The following KCNH2 variants were observed in gnomAD, a reference collection of about 807,000 sequenced individuals.
KCNH2 encodes potassium voltage-gated channel subfamily H member 2, also known as voltage-gated inwardly rectifying potassium channel KCNH2.
Under a neutral mutation model 95.9 loss-of-function variants are expected in KCNH2, and 35 were observed. The observed-to-expected ratio is 0.37, with a 90% confidence interval of 0.28 to 0.48. KCNH2 has a LOEUF of 0.48. KCNH2 is among the 20% of genes least tolerant of loss of function. The pLI, the probability that KCNH2 is intolerant of heterozygous loss-of-function variation, is 0.99. For synonymous variants in KCNH2, 786 were observed against 754.7 expected (o/e 1.04, Z -0.68); for missense variants, 1,274 against 1,702.9 (o/e 0.75, Z 4.43).
At chr7:150,974,622 C>T (rs1253558413) in intron 2 of KCNH2, 89 bp downstream of exon 2, 2 of 870,974 alleles carry the variant, frequency 2.3e-6, no homozygotes, top group Admixed American at 2.3e-5. Flanking sequence ...CCCCCACACC[C>T]CCACACCCCC....
chr7:150,969,702 C>A (rs1801791363), intron 2 of KCNH2, among the ~76,000 whole-genome samples: 1 of 152,214 alleles, frequency 6.6e-6, no homozygotes, highest in Non-Finnish European at 1.5e-5. Flanking sequence ...GAGAACAAAG[C>A]AGATGGGCTG....
rs1263216122 is a variant in KCNH2 at position 150,948,551 on chromosome 7, CA to C, written c.2593-9del. On this transcript the variant is annotated splice_polypyrimidine_tract_variant and intron_variant, in intron 10 of 14. Transcript: ENST00000262186. ...GCCCGGGATCATGTTGGTCTGGAACCAAAATCAGTATCAGGGCCCTTTCAGT... is the reference window on the plus strand; with the variant it reads ...GCCCGGGATCATGTTGGTCTGGAACCAAATCAGTATCAGGGCCCTTTCAGT... The C allele has an allele frequency of 5.6e-6, 9 of 1,612,018 alleles. No homozygotes were observed. The highest frequency in any genetic ancestry group is 6.8e-6 in the Non-Finnish European group (8 of 1,178,700).
chr7:150,960,041 C>G (rs1442704839), intron 2 of KCNH2, among the ~76,000 whole-genome samples: 1 of 152,210 alleles, frequency 6.6e-6, no homozygotes, highest in Non-Finnish European at 1.5e-5. Context: ...ATCCTTTCTT[C>G]TGCCATCTTT....
In KCNH2 at chr7:150,958,600, G is replaced by A. The variant is rs1584866688; in HGVS notation, c.473-98C>T. ...ACCCCCAGCCGCTGGGTAAGGGAAGGAGGGGAACGGGCAACCCCCCATCCC... is the reference window on the plus strand; with the variant it reads ...ACCCCCAGCCGCTGGGTAAGGGAAGAAGGGGAACGGGCAACCCCCCATCCC... On this transcript the variant is annotated intron_variant, in intron 3 of 14. Coordinates refer to ENST00000262186, the MANE Select transcript of KCNH2 (RefSeq NM_000238.4). The A allele has an allele frequency of 2.5e-5, 25 of 1,001,026 alleles. No individual in the cohort carries two copies. The East Asian group carries it at 7.8e-4, about 31-fold the overall frequency. The allele number at this position is 1,001,026 out of a possible 1,614,324, so 62.0% of individuals were successfully genotyped here.
intron 5 of KCNH2, among the ~76,000 whole-genome samples, chr7:150,954,439 G>A (rs1213903421): frequency 6.6e-6 from 1 of 152,212 alleles, no homozygotes; most frequent in Non-Finnish European, 1.5e-5. Flanking sequence ...CACACAGCAT[G>A]AGCAACACTG....
chr7:150,958,426 G>C lies in KCNH2; in HGVS notation c.549C>G (p.Gly183=). 1.4e-6 allele frequency: 2 copies of C among 1,449,236 alleles called. No homozygotes were observed. The highest frequency in any genetic ancestry group is 1.8e-6 in the Non-Finnish European group (2 of 1,109,336). The allele number at this position is 1,449,236 out of a possible 1,614,324, so 89.8% of individuals were successfully genotyped here. A position where few individuals can be genotyped will look rare whatever the true frequency, so the allele number is the denominator to read the frequency against. ...CCGGGGCGCCCGCGCCGCCCGCGCC[G>C]CCCGACCGCACCGACGACTCCCGGG... The part of the protein sequence containing the change: ...LTARESSVRS[G]GAGGAGAPGA... The change falls in exon 4 of 15, where the codon GGC becomes GGG. Residue 183 remains glycine (G), a synonymous_variant. Coordinates refer to ENST00000262186, the MANE Select transcript of KCNH2 (RefSeq NM_000238.4).
In KCNH2 at chr7:150,977,989, C is replaced by G. The variant is rs1802021695; in HGVS notation, c.-76G>C. On this transcript the variant is annotated 5_prime_UTR_variant, in exon 1 of 15. Coordinates refer to ENST00000262186, the MANE Select transcript of KCNH2 (RefSeq NM_000238.4). ...CGGCCCAGCACTAGGCTTCGGGTGG[C>G]CCGGCCGGGCCGTGGTCCCCGCACC... The G allele has an allele frequency of 2.7e-6, 2 of 748,646 alleles. No individual in the cohort carries two copies. The highest frequency in any genetic ancestry group is 1.8e-6 in the Non-Finnish European group (1 of 545,750). 46.4% of individuals were successfully genotyped at this position (748,646 alleles called of 1,614,324 possible).
chr7:150,970,681 C>T (rs948878359), intron 2 of KCNH2, among the ~76,000 whole-genome samples: 9 of 152,178 alleles, frequency 5.9e-5, no homozygotes, highest in South Asian at 2.1e-4. Flanking sequence ...CCCCCATGGA[C>T]CCCCGCCCGC....
At chr7:150,954,268 T>C (rs1441563473) in intron 5 of KCNH2, among the ~76,000 whole-genome samples, 1 of 146,592 alleles carries the variant, frequency 6.8e-6, no homozygotes, top group Non-Finnish European at 1.5e-5. Flanking sequence ...AAGTGGGGAC[T>C]GAAAAAAAAA....
Position 150,977,942 on chromosome 7 carries a change from C to T in KCNH2, c.-29G>A. On this transcript the variant is annotated 5_prime_UTR_variant, in exon 1 of 15. Transcript: ENST00000262186. Reference sequence around the variant, plus strand: ...GAGCCCATGGGCGGGCCGGGCGGGCCCCCACCCACCCCGGCCCGGCCCGGC... The same window carrying T: ...GAGCCCATGGGCGGGCCGGGCGGGCTCCCACCCACCCCGGCCCGGCCCGGC... The T allele has an allele frequency of 6.6e-7, 1 of 1,511,022 alleles. No individual in the cohort carries two copies. The highest frequency in any genetic ancestry group is 9.0e-7 in the Non-Finnish European group (1 of 1,116,650). 93.6% of individuals were successfully genotyped at this position (1,511,022 alleles called of 1,614,324 possible).
chr7:150,948,119 G>C (rs943893674), intron 11 of KCNH2, among the ~76,000 whole-genome samples: 4 of 152,232 alleles, frequency 2.6e-5, no homozygotes, highest in African/African-American at 9.6e-5. Context: ...TGGGACTGCG[G>C]GGCCTCAGCC....
chr7:150,970,092 A>C (rs1174265133), intron 2 of KCNH2, among the ~76,000 whole-genome samples: 5 of 152,112 alleles, frequency 3.3e-5, no homozygotes, highest in Non-Finnish European at 5.9e-5. Context: ...GGGCAATGAG[A>C]GAGAACGTGT....
chr7:150,947,924 G>A (rs1563148415), intron 11 of KCNH2, 46 bp from the exon 12 acceptor site: 2 of 1,519,764 alleles, frequency 1.3e-6, no homozygotes, highest in Admixed American at 2.0e-5. Context: ...GGAGAACAGA[G>A]AGGAGGGGGC....
At position 150,964,729 on chromosome 7, in the gene KCNH2, C is replaced by A. The variant is rs138732404; in HGVS notation, c.308-4993G>T. Among the ~76,000 whole-genome samples, 670 of 152,342 alleles carry A rather than the reference C, an allele frequency of 4.4e-3. 2 individuals carry two copies. Among genetic ancestry groups the A allele is most frequent in the Middle Eastern group, 0.014 (4 of 294 alleles). On this transcript the variant is annotated intron_variant, in intron 2 of 14. Transcript: ENST00000262186. ...TCGCTCGGAGCAGGAGGAGCTGTGC[C>A]CAGGACAGGCCCAAAGTCACGCTGA...
At chr7:150,964,530 C>A (rs1217955800) in intron 2 of KCNH2, among the ~76,000 whole-genome samples, 1 of 152,254 alleles carries the variant, frequency 6.6e-6, no homozygotes, top group Non-Finnish European at 1.5e-5. Context: ...CCTCCCTGGG[C>A]TTCAGGCTCC....
At position 150,950,220 on chromosome 7, in the gene KCNH2, G is replaced by T; in HGVS notation, c.2346C>A (p.Ile782=). The change falls in exon 9 of 15, where the codon ATC becomes ATA. Residue 782 remains isoleucine, a synonymous_variant. Coordinates refer to ENST00000262186, the MANE Select transcript of KCNH2 (RefSeq NM_000238.4). ...GCAGGATCTCGATGGAGCCCCGGGA[G>T]ATGAAGTACAGGGCGGTGAGCAGGT... ...AGDLLTALYF[I]SRGSIEILRG... The T allele has an allele frequency of 6.2e-7, 1 of 1,613,066 alleles. No homozygotes were observed. The highest frequency in any genetic ancestry group is 1.7e-5 in the Admixed American group (1 of 59,950).
At chr7:150,957,911 T>C in intron 4 of KCNH2, 148 bp downstream of exon 4, 2 of 624,466 alleles carry the variant, frequency 3.2e-6, no homozygotes, top group South Asian at 3.3e-5. Context: ...AGCCACTTAA[T>C]GGAATTAAAT....
At position 150,945,555 on chromosome 7, in the gene KCNH2, G is replaced by A; in HGVS notation, c.3331-41C>T. The A allele has an allele frequency of 1.9e-6, 3 of 1,550,488 alleles. No individual in the cohort carries two copies. Among genetic ancestry groups the A allele is most frequent in the Non-Finnish European group, 2.6e-6 (3 of 1,145,384 alleles). On this transcript the variant is annotated intron_variant, in intron 14 of 14. Coordinates refer to ENST00000262186, the MANE Select transcript of KCNH2 (RefSeq NM_000238.4). The surrounding 1 kb of genome is among the most constrained non-coding windows in gnomAD (Gnocchi z 5.6). ...AGCATGGGCAGGCGAAGAGGCCATG[G>A]AGGAGGAGGAAGGGGAGGGAAAGGG...
chr7:150,955,296 C>T, intron 5 of KCNH2: 2 of 1,233,710 alleles, frequency 1.6e-6, no homozygotes, highest in Non-Finnish European at 2.3e-6. Context: ...TCCTACTTCC[C>T]AGCAGCCCTC....
Sources: gnomAD v4.1 joint callset for allele counts (sites outside exome capture counted in the v4.1 genomes callset) on GRCh38, gnomAD v4.1.1 for gene constraint, Gnocchi (gnomAD v3.1) non-coding constraint, MANE v1.5 for transcripts, NCBI Gene and HGNC (gene_info 2026-07-23, HGNC 2026-07-21) for gene names.